KCTD16: variants seen among roughly 807,000 people sequenced by gnomAD.
KCTD16 encodes potassium channel tetramerization domain containing 16.
Under a neutral mutation model 33.2 loss-of-function variants are expected in KCTD16, and 13 were observed. The ratio of observed to expected loss-of-function variants is 0.39; its 90% CI spans 0.25 to 0.62. The LOEUF (loss-of-function observed/expected upper bound fraction) is 0.62, where lower values mean the gene tolerates loss of function less well. Among genes scored for constraint, KCTD16 ranks in the 20% least tolerant of loss-of-function variants. KCTD16 has a pLI of 0.50. For synonymous variants in KCTD16, 197 were observed against 195.3 expected, an observed-to-expected ratio of 1.01 and a Z score of -0.07; for missense variants, 441 against 525.1, an observed-to-expected ratio of 0.84 and a Z score of 1.57.
rs996206170 is a variant in KCTD16, at chr5:144,263,329, C to G, written c.832+55783C>G. Among the ~76,000 whole-genome samples, 4 of 152,222 alleles carry G rather than the reference C, an allele frequency of 2.6e-5. No homozygotes were observed. In the Middle Eastern group the frequency reaches 0.01, roughly 388 times the overall value. ...AGATTCACATTTTCGTAACTAAATT[C>G]TCTGTTTGAGTCTTCTTTATTCTGA... On this transcript the variant is annotated intron_variant, in intron 3 of 3. Transcript: ENST00000512467.
chr5:144,338,681 C>G (rs994383424), intron 3 of KCTD16, among the ~76,000 whole-genome samples: 3 of 151,964 alleles, frequency 2.0e-5, no homozygotes, highest in Non-Finnish European at 4.4e-5. Flanking sequence ...ATGACATGAA[C>G]CTATTTTATG....
chr5:144,340,964 G>A (rs922701273), intron 3 of KCTD16, among the ~76,000 whole-genome samples: 1 of 152,086 alleles, frequency 6.6e-6, no homozygotes, highest in Non-Finnish European at 1.5e-5. Context: ...AGAATCGCTT[G>A]AACCCAGGAG....
rs990527018 is a variant in KCTD16, at chr5:144,229,477, A to G, written c.832+21931A>G. 1.3e-5 allele frequency among the ~76,000 whole-genome samples: 2 copies of G among 152,312 alleles called. 1 individual carries two copies. The highest frequency in any genetic ancestry group is 1.3e-4 in the Admixed American group (2 of 15,298). ...CCATAAAGGGAATGACTAAAGGAGG[A>G]TGAGATTTTTGAATGTTAGGAGTTA... is the stretch of plus-strand genomic sequence containing the variant. On this transcript the variant is annotated intron_variant, in intron 3 of 3. Coordinates refer to ENST00000512467, the MANE Select transcript of KCTD16 (RefSeq NM_020768.4).
chr5:144,202,021 G>T (rs531586132), intron 2 of KCTD16, among the ~76,000 whole-genome samples: 1 of 152,316 alleles, frequency 6.6e-6, no homozygotes, highest in African/African-American at 2.4e-5. Flanking sequence ...GGCTGTGCAT[G>T]TGAAAGCAGG....
At chr5:144,402,750 T>C (rs926873274) in intron 3 of KCTD16, among the ~76,000 whole-genome samples, 1 of 152,208 alleles carries the variant, frequency 6.6e-6, no homozygotes, top group Non-Finnish European at 1.5e-5. Flanking sequence ...GGGAACTATG[T>C]TCACAAATAT....
rs1561535620 is a variant in KCTD16, at chr5:144,225,593, TGTGTC to T, written c.832+18048_832+18052del. ...GTGTGTGTGTGTGTGTGTGTGTGTG[TGTGTC>T]TTTAAAACTAAGAAGTCATGTTAGA... On this transcript the variant is annotated intron_variant, in intron 3 of 3. Coordinates refer to ENST00000512467, the MANE Select transcript of KCTD16 (RefSeq NM_020768.4). 1.8e-3 allele frequency among the ~76,000 whole-genome samples: 279 copies of T among 151,368 alleles called. 5 individuals are homozygous for T. The highest frequency in any genetic ancestry group is 0.015 in the Admixed American group (234 of 15,136).
chr5:144,366,249 T>C (rs1174623756), intron 3 of KCTD16, among the ~76,000 whole-genome samples: 1 of 152,224 alleles, frequency 6.6e-6, no homozygotes, highest in African/African-American at 2.4e-5. Context: ...TCAAGTACAC[T>C]GTCAAAGATA....
intron 3 of KCTD16, among the ~76,000 whole-genome samples, chr5:144,227,197 G>C (rs535318716): frequency 6.6e-6 from 1 of 152,182 alleles, no homozygotes; most frequent in Admixed American, 6.5e-5. Flanking sequence ...AAGCAGGCTG[G>C]GTTTAGGGAT....
At chr5:144,342,737 G>T (rs1220009207) in intron 3 of KCTD16, among the ~76,000 whole-genome samples, 2 of 152,080 alleles carry the variant, frequency 1.3e-5, no homozygotes, top group African/African-American at 2.4e-5. Flanking sequence ...GCTCTTATTA[G>T]TTTGAGATAT....
At chr5:144,324,426 A>G (rs1450883596) in intron 3 of KCTD16, among the ~76,000 whole-genome samples, 1 of 152,146 alleles carries the variant, frequency 6.6e-6, no homozygotes, top group African/African-American at 2.4e-5. Context: ...TCAAGAACCA[A>G]CAGATGCTGG....
intron 3 of KCTD16, among the ~76,000 whole-genome samples, chr5:144,339,063 A>G (rs190744336): frequency 6.6e-6 from 1 of 152,226 alleles, no homozygotes; most frequent in East Asian, 1.9e-4. Flanking sequence ...ACACAGGACA[A>G]CTGTTTGAAC....
chr5:144,187,203 G>C (rs1179115584), intron 2 of KCTD16, among the ~76,000 whole-genome samples: 1 of 151,804 alleles, frequency 6.6e-6, no homozygotes, highest in Non-Finnish European at 1.5e-5. Context: ...TACAGATATT[G>C]CAAACCACTT....
At chr5:144,337,531 G>A (rs1281780346) in intron 3 of KCTD16, among the ~76,000 whole-genome samples, 2 of 151,584 alleles carry the variant, frequency 1.3e-5, no homozygotes, top group Non-Finnish European at 2.9e-5. Context: ...TGTGATGTAA[G>A]TGTTACATTT....
At chr5:144,176,379 T>C (rs981492242) in intron 2 of KCTD16, among the ~76,000 whole-genome samples, 13 of 148,636 alleles carry the variant, frequency 8.7e-5, no homozygotes, top group Non-Finnish European at 1.8e-4. Context: ...TTTAAAGATA[T>C]AGTGTTTCTT....
intron 3 of KCTD16, among the ~76,000 whole-genome samples, chr5:144,440,193 T>TG (rs1753672684): frequency 6.6e-6 from 1 of 152,208 alleles, no homozygotes; most frequent in South Asian, 2.1e-4. Flanking sequence ...AGTTTTATAC[T>TG]TATCCCTCAT....
At chr5:144,409,837 C>T (rs539562217) in intron 3 of KCTD16, among the ~76,000 whole-genome samples, 2 of 151,786 alleles carry the variant, frequency 1.3e-5, no homozygotes, top group African/African-American at 2.4e-5. Flanking sequence ...ACAACAACAA[C>T]AACAACAAAA....
intron 2 of KCTD16, among the ~76,000 whole-genome samples, chr5:144,192,191 CTCT>C (rs560684112): frequency 2.0e-4 from 30 of 152,160 alleles, no homozygotes; most frequent in Non-Finnish European, 4.0e-4. Context: ...CTTTCAGTTT[CTCT>C]TCTTCAAGGT....
At chr5:144,417,847 G>GACAC (rs1753105008) in intron 3 of KCTD16, among the ~76,000 whole-genome samples, 1 of 152,120 alleles carries the variant, frequency 6.6e-6, no homozygotes, top group South Asian at 2.1e-4. Flanking sequence ...ATTTGTTGAA[G>GACAC]ATGTGTCTGG....
chr5:144,443,669 C>T (rs1237667614), intron 3 of KCTD16, among the ~76,000 whole-genome samples: 1 of 152,060 alleles, frequency 6.6e-6, no homozygotes, highest in East Asian at 1.9e-4. Context: ...TCCTCATGAA[C>T]TCATTGATTT....
Sources: allele counts gnomAD v4.1 joint callset (sites outside exome capture counted in the v4.1 genomes callset), GRCh38; gene constraint gnomAD v4.1.1; transcripts MANE v1.5; gene names NCBI Gene and HGNC (gene_info 2026-07-23, HGNC 2026-07-21).